TRMT1: variants seen among roughly 807,000 people sequenced by gnomAD.
The protein encoded by TRMT1 is tRNA (guanine(26)-N(2))-dimethyltransferase.
Under a neutral mutation model 75.4 loss-of-function variants are expected in TRMT1, and 63 were observed. That is an observed-to-expected ratio of 0.84 (90% CI 0.68 to 1.03). TRMT1 has a LOEUF of 1.03. Ranked by LOEUF, TRMT1 falls within the 50% of genes least tolerant of loss-of-function variation. TRMT1 has a pLI of 0.00. For missense variants in TRMT1, 870 were observed against 905.3 expected, an observed-to-expected ratio of 0.96 and a Z score of 0.50; for synonymous variants, 382 against 358.1, an observed-to-expected ratio of 1.07 and a Z score of -0.75.
At position 13,116,240 on chromosome 19, in the gene TRMT1, C is replaced by T. The variant is rs1461336651; in HGVS notation, c.160G>A (p.Glu54Lys). 3.1e-6 allele frequency: 5 copies of T among 1,614,092 alleles called. No individual in the cohort carries two copies. The Admixed American group carries it at 8.3e-5, about 27-fold the overall frequency. Residue 54 changes from glutamate to lysine, a missense_variant, in exon 2 of 17, where the codon GAG becomes AAG. Physicochemically the swap from Glu to Lys is moderately conservative, Grantham distance 56. Coordinates refer to ENST00000357720, the MANE Select transcript of TRMT1 (RefSeq NM_001136035.4). ...YGEERPREVQ[E>K]TTVTEGAAKI... ...GCAGCCCCCTCGGTGACTGTCGTCT[C>T]CTGGACTTCACGTGGACGTTCTTCT... is the stretch of plus-strand genomic sequence containing the variant.
In TRMT1 at chr19:13,105,043, G is replaced by A; in HGVS notation, c.1872C>T (p.His624=). ...CQRGDQCCYS[H]SPPTPRVSAD... is the part of the protein sequence containing the mutation. ...CAGAAACCCTGGGTGTCGGGGGGCT[G>A]TGGGAGTAGCAGCACTGGTCCCCGC... Residue 624 remains histidine (H), a synonymous_variant, in exon 17 of 17, where the codon CAC becomes CAT. Coordinates refer to ENST00000357720, the MANE Select transcript of TRMT1 (RefSeq NM_001136035.4). 6.2e-7 allele frequency: 1 copy of A among 1,608,026 alleles called. No homozygotes were observed. The highest frequency in any genetic ancestry group is 8.5e-7 in the Non-Finnish European group (1 of 1,176,620).
At chr19:13,110,527 T>TG (rs1477166293) in intron 7 of TRMT1, among the ~76,000 whole-genome samples, 1 of 152,238 alleles carries the variant, frequency 6.6e-6, no homozygotes, top group African/African-American at 2.4e-5. Context: ...GTGGCACTGC[T>TG]GGGGGCACTA....
Position 13,109,704 on chromosome 19 carries a change from A to T in TRMT1, c.1177-20T>A, listed in dbSNP as rs1346800374. ...ACCAAGCTGGGGGCGCACCGGGGAC[A>T]GGTGAGCAGGGACTATGACCTTCAA... On this transcript the variant is annotated intron_variant, in intron 10 of 16. Coordinates refer to ENST00000357720, the MANE Select transcript of TRMT1 (RefSeq NM_001136035.4). 1 of 1,613,968 alleles carries T rather than the reference A, an allele frequency of 6.2e-7. No individual in the cohort carries two copies. Among genetic ancestry groups the T allele is most frequent in the Non-Finnish European group, 8.5e-7 (1 of 1,179,978 alleles).
intron 16 of TRMT1, 87 bp downstream of exon 16, chr19:13,105,180 T>G: frequency 6.4e-7 from 1 of 1,557,416 alleles, no homozygotes; most frequent in Non-Finnish European, 8.7e-7. Context: ...AACACTTGCC[T>G]GGCCCCAGCT....
chr19:13,113,681 C>T (rs1311222701), intron 5 of TRMT1, among the ~76,000 whole-genome samples: 6 of 152,020 alleles, frequency 3.9e-5, no homozygotes, highest in Non-Finnish European at 8.8e-5. Flanking sequence ...GGGTTCTCGG[C>T]GCACTGCAAC....
In TRMT1 at chr19:13,116,712, C is replaced by G; in HGVS notation, c.-92G>C. Reference sequence around the variant, plus strand: ...AGGTGCACGTTTCCCGAATTAGGACCTGGGCGCCGCCATGTTGGCACAGTG... The same window carrying G: ...AGGTGCACGTTTCCCGAATTAGGACGTGGGCGCCGCCATGTTGGCACAGTG... On this transcript the variant is annotated 5_prime_UTR_variant, in exon 1 of 17. Coordinates refer to ENST00000357720, the MANE Select transcript of TRMT1 (RefSeq NM_001136035.4). 1 of 374,814 alleles carries G rather than the reference C, an allele frequency of 2.7e-6. No individual in the cohort carries two copies. The highest frequency in any genetic ancestry group is 4.9e-6 in the Non-Finnish European group (1 of 204,044). 23.2% of individuals were successfully genotyped at this position (374,814 alleles called of 1,614,324 possible).
rs760170226 is a variant in TRMT1 at position 13,116,071 on chromosome 19, C to G, written c.255-19G>C. 6.2e-7 allele frequency: 1 copy of G among 1,613,262 alleles called. No homozygotes were observed. The highest frequency in any genetic ancestry group is 8.5e-7 in the Non-Finnish European group (1 of 1,179,770). On this transcript the variant is annotated intron_variant, in intron 2 of 16. Transcript: ENST00000357720. ...AGCACATCTGGTGGGAGACAGAGGA[C>G]TAGCTCATACCCCGCCCCCGCCATC...
chr19:13,116,049 A>T lies in TRMT1; in HGVS notation c.258T>A (p.Cys86Ter), dbSNP rs761986498. 1 of 1,614,010 alleles carries T rather than the reference A, an allele frequency of 6.2e-7. No individual in the cohort carries two copies. The highest frequency in any genetic ancestry group is 1.1e-5 in the South Asian group (1 of 91,080). Residue 86 changes from cysteine to a stop codon, truncating the protein, a stop_gained, in exon 3 of 17, where the codon TGT (cysteine) becomes TGA (stop). Coordinates refer to ENST00000357720, the MANE Select transcript of TRMT1 (RefSeq NM_001136035.4). LOFTEE classifies it high-confidence loss of function. ...PVQEFNRDLT[C>*]AVITEFARIQ... ...TGCGAGCAAACTCGGTGATCACAGC[A>T]CATCTGGTGGGAGACAGAGGACTAG...
Position 13,104,977 on chromosome 19 carries a change from G to T in TRMT1, c.1938C>A (p.Thr646=), listed in dbSNP as rs1238151264. The T allele has an allele frequency of 1.9e-6, 3 of 1,613,842 alleles. No individual in the cohort carries two copies. The highest frequency in any genetic ancestry group is 2.5e-6 in the Non-Finnish European group (3 of 1,179,972). The change falls in exon 17 of 17, where the codon ACC becomes ACA. Residue 646 remains threonine (T), a synonymous_variant. Transcript: ENST00000357720. ...APDCPETSNQ[T]PPGPGAAAGP... is the part of the protein sequence containing the mutation. ...CAGCGGCAGCCCCAGGTCCAGGGGG[G>T]GTCTGGTTGGAGGTCTCTGGACAGT...
chr19:13,106,236 T>C (rs941415397), intron 14 of TRMT1, among the ~76,000 whole-genome samples: 5 of 151,708 alleles, frequency 3.3e-5, no homozygotes, highest in African/African-American at 1.2e-4. Context: ...GCCCAGCTAA[T>C]TTTTTTAGTT....
At chr19:13,111,642 C>T (rs2019145325) in intron 7 of TRMT1, among the ~76,000 whole-genome samples, 1 of 151,450 alleles carries the variant, frequency 6.6e-6, no homozygotes, top group Non-Finnish European at 1.5e-5. Context: ...TTGAACACCG[C>T]CCACCTCGGC....
chr19:13,115,462 C>T lies in TRMT1; in HGVS notation c.458G>A (p.Gly153Asp), dbSNP rs778241553. ...TAAVGEICEE[G>D]LHVLEGLAAS... is the part of the protein sequence containing the mutation. ...TGCCAGGCCTTCCAGCACATGCAGG[C>T]CTTCCTGTTGGAGTAAGCAGAAAAC... is the stretch of plus-strand genomic sequence containing the variant. The change falls in exon 5 of 17, where the codon GGC becomes GAC. Residue 153 changes from glycine (G) to aspartate (D), a missense_variant. Gly to Asp is a moderately conservative substitution (Grantham distance 94). Transcript: ENST00000357720. The T allele has an allele frequency of 3.1e-6, 5 of 1,612,328 alleles. No individual in the cohort carries two copies. In the South Asian group the frequency reaches 3.3e-5, roughly 11 times the overall value.
chr19:13,105,730 C>G, intron 14 of TRMT1, 124 bp from the exon 15 acceptor site: 1 of 997,488 alleles, frequency 1.0e-6, no homozygotes, highest in Non-Finnish European at 1.5e-6. Context: ...TCAGGATTCT[C>G]TCATTCATCT....
At chr19:13,115,897 A>T in intron 3 of TRMT1, 100 bp downstream of exon 3, 1 of 1,607,870 alleles carries the variant, frequency 6.2e-7, no homozygotes, top group Non-Finnish European at 8.5e-7. Flanking sequence ...AGGGCCTGCT[A>T]TGTGGCTGAA....
At chr19:13,116,497 C>T (rs557067978) in intron 1 of TRMT1, 66 bp from the exon 2 acceptor site, 31 of 1,479,980 alleles carry the variant, frequency 2.1e-5, no homozygotes, top group Non-Finnish European at 2.6e-5. Flanking sequence ...CCGGGGATGT[C>T]CTACATATCT....
chr19:13,109,335 AC>A, intron 12 of TRMT1, 45 bp downstream of exon 12: 1 of 1,609,094 alleles, frequency 6.2e-7, no homozygotes, highest in Non-Finnish European at 8.5e-7. Flanking sequence ...GCCCCAGGCC[AC>A]CCTGTGGTCT....
At position 13,112,688 on chromosome 19, in the gene TRMT1, GGC is replaced by G; in HGVS notation, c.870+15_870+16del. The G allele has an allele frequency of 6.2e-7, 1 of 1,606,726 alleles. No homozygotes were observed. The highest frequency in any genetic ancestry group is 8.5e-7 in the Non-Finnish European group (1 of 1,178,110). ...TGTCCCCCGGTCTCCCTGGCTGGCT[GGC>G]AGAGGGCCCCTCACCATCTCGTGGC... is the stretch of plus-strand genomic sequence containing the variant. On this transcript the variant is annotated intron_variant, in intron 7 of 16. Transcript: ENST00000357720.
At chr19:13,106,933 C>T (rs1039075957) in intron 14 of TRMT1, among the ~76,000 whole-genome samples, 2 of 150,932 alleles carry the variant, frequency 1.3e-5, no homozygotes, top group African/African-American at 2.4e-5. Flanking sequence ...ACGCCATTCT[C>T]CTGTCTCAGC....
intron 7 of TRMT1, among the ~76,000 whole-genome samples, chr19:13,111,754 C>T (rs1038329035): frequency 1.3e-5 from 2 of 148,502 alleles, no homozygotes; most frequent in Admixed American, 6.8e-5. Flanking sequence ...GGCTGGAGTG[C>T]AGTGGCACAG....
Sources: gnomAD v4.1 joint callset for allele counts (sites outside exome capture counted in the v4.1 genomes callset) on GRCh38, gnomAD v4.1.1 for gene constraint, MANE v1.5 for transcripts, NCBI Gene and HGNC (gene_info 2026-07-23, HGNC 2026-07-21) for gene names.